The following ANKRD12 variants were observed in gnomAD, a reference collection of about 807,000 sequenced individuals.
ANKRD12 encodes the protein ankyrin repeat domain 12, also known as ankyrin repeat domain-containing protein 12.
In ANKRD12, 85 loss-of-function variants were observed where a neutral mutation model predicts 183.4. That is an observed-to-expected ratio of 0.46 (90% CI 0.39 to 0.56). ANKRD12 has a LOEUF of 0.56. ANKRD12 is among the 20% of genes least tolerant of loss of function. ANKRD12 has a pLI of 0.00. For missense variants in ANKRD12, 2,405 were observed against 2,357.1 expected (o/e 1.02, Z -0.42); for synonymous variants, 914 against 800.2 (o/e 1.14, Z -2.40).
Position 9,282,285 on chromosome 18 carries a change from T to G in ANKRD12, c.*1159T>G, listed in dbSNP as rs1293103720. 6.6e-6 allele frequency: 1 copy of G among 152,578 alleles called. No homozygotes were observed. Among genetic ancestry groups the G allele is most frequent in the Non-Finnish European group, 1.5e-5 (1 of 67,978 alleles). 9.5% of individuals were successfully genotyped at this position (152,578 alleles called of 1,614,324 possible). A position where few individuals can be genotyped will look rare whatever the true frequency, so the allele number is the denominator to read the frequency against. On this transcript the variant is annotated 3_prime_UTR_variant, in exon 13 of 13. Transcript: ENST00000262126. The stretch of plus-strand genomic sequence containing the variant: ...AAACCAAGTATGCAAATCAAAGATA[T>G]TTGGTAGTCAAAATAAGTAAAAGAA...
Position 9,255,212 on chromosome 18 carries a change from A to T in ANKRD12, c.1945A>T (p.Thr649Ser), listed in dbSNP as rs2038530583. The T allele has an allele frequency of 6.3e-7, 1 of 1,577,516 alleles. No homozygotes were observed. Among genetic ancestry groups the T allele is most frequent in the Non-Finnish European group, 8.5e-7 (1 of 1,169,684 alleles). The change falls in exon 9 of 13, where the codon ACA (threonine) becomes TCA (serine). Residue 649 changes from threonine (T) to serine (S), a missense_variant. Physicochemically the swap from Thr to Ser is moderately conservative, Grantham distance 58 (BLOSUM62 1). Transcript: ENST00000262126. Reference sequence around the variant, plus strand: ...GAAAAAAATGGATAAAGAAGGTAAAACATTAAAAAAACATAAATTGAAGCA... The same window carrying T: ...GAAAAAAATGGATAAAGAAGGTAAATCATTAAAAAAACATAAATTGAAGCA... Reference protein sequence around the residue: ...TLKKMDKEGKTLKKHKLKHKE... With the variant: ...TLKKMDKEGKSLKKHKLKHKE...
intron 1 of ANKRD12, 43 bp from the exon 2 acceptor site, chr18:9,182,339 T>TCA: frequency 9.7e-6 from 2 of 205,368 alleles, no homozygotes; most frequent in Non-Finnish European, 8.5e-6. Flanking sequence ...CGTAACCTAT[T>TCA]GTATATATAT....
At chr18:9,175,302 A>G (rs997410348) in intron 1 of ANKRD12, among the ~76,000 whole-genome samples, 24 of 152,074 alleles carry the variant, frequency 1.6e-4, no homozygotes, top group Non-Finnish European at 2.9e-4. Flanking sequence ...TGCAAATTCT[A>G]TTATTTCTGT....
intron 8 of ANKRD12, among the ~76,000 whole-genome samples, chr18:9,232,802 T>G (rs1379372037): frequency 2.0e-5 from 3 of 152,058 alleles, no homozygotes; most frequent in African/African-American, 7.2e-5. Flanking sequence ...TTCATTCTTT[T>G]TTTTTTCTTT....
rs752122004 is a variant in ANKRD12 at position 9,255,299 on chromosome 18, A to G, written c.2032A>G (p.Thr678Ala). 12 of 1,585,832 alleles carry G rather than the reference A, an allele frequency of 7.6e-6. No individual in the cohort carries two copies. The African/African-American group carries it at 1.4e-4, about 18-fold the overall frequency. The change falls in exon 9 of 13, where the codon ACT (threonine) becomes GCT (alanine). Residue 678 changes from threonine (T) to alanine (A), a missense_variant. Around this residue, in one of 7 missense-constraint regions of ANKRD12, gnomAD observed 1,983 missense variants for 1,725.9 expected, o/e 1.15. Transcript: ENST00000262126. ...TGAAGGTGAAAAGGAAAAATACAAA[A>G]CTAAGGATAGTGCCAAAGAACTGCA... ...EIEGEKEKYKTKDSAKELQRS... is the reference protein window; with the variant it reads ...EIEGEKEKYKAKDSAKELQRS...
At chr18:9,265,375 C>G (rs577401676) in intron 10 of ANKRD12, among the ~76,000 whole-genome samples, 5 of 152,334 alleles carry the variant, frequency 3.3e-5, no homozygotes, top group East Asian at 1.9e-4. Context: ...AGGCACCCCC[C>G]CAGTAGGTGC....
chr18:9,190,373 C>G (rs1468172604), intron 2 of ANKRD12, among the ~76,000 whole-genome samples: 1 of 152,098 alleles, frequency 6.6e-6, no homozygotes, highest in Non-Finnish European at 1.5e-5. Flanking sequence ...TATGGATGAG[C>G]AAATAAAGTA....
intron 1 of ANKRD12, among the ~76,000 whole-genome samples, chr18:9,158,409 A>G (rs1460836805): frequency 6.6e-6 from 1 of 152,134 alleles, no homozygotes; most frequent in Non-Finnish European, 1.5e-5. Context: ...TCTTGGCATG[A>G]CAGTTTCTGA....
In ANKRD12 at chr18:9,198,534, G is replaced by C. The variant is rs144604022; in HGVS notation, c.235+2836G>C. 1.8e-3 allele frequency among the ~76,000 whole-genome samples: 270 copies of C among 151,814 alleles called. 1 individual carries two copies. Among genetic ancestry groups the C allele is most frequent in the African/African-American group, 6.1e-3 (251 of 41,416 alleles). On this transcript the variant is annotated intron_variant, in intron 3 of 12. Transcript: ENST00000262126. ...TAACATCTGACTAATTTTTTCTTTG[G>C]GCATTTATTATAATAATGATAACTA...
intron 8 of ANKRD12, among the ~76,000 whole-genome samples, chr18:9,244,900 A>ATTTT (rs2037869586): frequency 6.6e-6 from 1 of 152,146 alleles, no homozygotes; most frequent in African/African-American, 2.4e-5. Context: ...AGCTATTAAA[A>ATTTT]ATGTTTCTCC....
chr18:9,141,029 CTAAT>C (rs1486130773), intron 1 of ANKRD12, among the ~76,000 whole-genome samples: 1 of 151,854 alleles, frequency 6.6e-6, no homozygotes, highest in East Asian at 1.9e-4. Flanking sequence ...TGCTCTGCCT[CTAAT>C]TAAGAGTGTT....
At chr18:9,220,904 A>G (rs565512528) in intron 7 of ANKRD12, among the ~76,000 whole-genome samples, 89 of 152,194 alleles carry the variant, frequency 5.8e-4, no homozygotes, top group Non-Finnish European at 9.0e-4. Context: ...GGGCCATTCC[A>G]TAAGATTGAT....
chr18:9,154,502 C>T (rs139052116), intron 1 of ANKRD12, among the ~76,000 whole-genome samples: 12 of 152,190 alleles, frequency 7.9e-5, no homozygotes, highest in Admixed American at 2.0e-4. Flanking sequence ...GTGGGCAGAT[C>T]GCTTGAGCCC....
chr18:9,158,680 C>T (rs546821685), intron 1 of ANKRD12, among the ~76,000 whole-genome samples: 1 of 152,294 alleles, frequency 6.6e-6, no homozygotes, highest in African/African-American at 2.4e-5. Context: ...CTCTACAGCA[C>T]AGTTACTCTT....
intron 3 of ANKRD12, among the ~76,000 whole-genome samples, chr18:9,196,542 A>G (rs1450770287): frequency 1.3e-5 from 2 of 152,220 alleles, no homozygotes; most frequent in Non-Finnish European, 2.9e-5. Context: ...TATTCTGCCT[A>G]TATCTTTCTA....
chr18:9,157,540 GGTGTGT>G (rs1568230803), intron 1 of ANKRD12, among the ~76,000 whole-genome samples: 1 of 124,510 alleles, frequency 8.0e-6, no homozygotes, highest in Non-Finnish European at 1.6e-5. Flanking sequence ...TAAATTTTAT[GGTGTGT>G]GTGGGTGTGT....
chr18:9,190,616 T>G (rs2034392975), intron 2 of ANKRD12, among the ~76,000 whole-genome samples: 1 of 152,182 alleles, frequency 6.6e-6, no homozygotes, highest in South Asian at 2.1e-4. Context: ...CATTGTTGTC[T>G]TAAGAAATTG....
chr18:9,248,405 A>C (rs1010743876), intron 8 of ANKRD12, among the ~76,000 whole-genome samples: 12 of 152,214 alleles, frequency 7.9e-5, no homozygotes, highest in Admixed American at 2.0e-4. Flanking sequence ...GCTGTTTCTC[A>C]AAATGTTGAC....
At position 9,178,949 on chromosome 18, in the gene ANKRD12, AT is replaced by A. The variant is rs1193420512; in HGVS notation, c.-51-3431del. On this transcript the variant is annotated intron_variant, in intron 1 of 12. Coordinates refer to ENST00000262126, the MANE Select transcript of ANKRD12 (RefSeq NM_015208.5). ...TTTAAATTTTAATTTCTGATTGCTT[AT>A]TGCTAGTATGTAGAAAAATTTTTTC... is the stretch of plus-strand genomic sequence containing the variant. Among the ~76,000 whole-genome samples, 5 of 152,212 alleles carry A rather than the reference AT, an allele frequency of 3.3e-5. No individual in the cohort carries two copies. The East Asian group carries it at 9.6e-4, about 29-fold the overall frequency.
Sources: allele counts gnomAD v4.1 joint callset (sites outside exome capture counted in the v4.1 genomes callset), GRCh38; gene constraint gnomAD v4.1.1; regional missense constraint gnomAD v4.1.1; transcripts MANE v1.5; gene names NCBI Gene and HGNC (gene_info 2026-07-23, HGNC 2026-07-21).